MALRD1: variants seen among roughly 807,000 people sequenced by gnomAD.
MALRD1 encodes the protein MAM and LDL receptor class A domain containing 1.
Under a neutral mutation model 242.1 loss-of-function variants are expected in MALRD1, and 247 were observed. That is an observed-to-expected ratio of 1.02 (90% CI 0.92 to 1.13). The LOEUF is 1.13. Ranked by LOEUF, MALRD1 falls within the 50% of genes most tolerant of loss-of-function variation. The probability of loss-of-function intolerance (pLI) is 0.00; values close to 1 mark genes in which losing one functional copy is unlikely to be tolerated. For synonymous variants in MALRD1, 995 were observed against 866.6 expected, an observed-to-expected ratio of 1.15 and a Z score of -2.60; for missense variants, 2,989 against 2,533.1, an observed-to-expected ratio of 1.18 and a Z score of -3.86.
chr10:19,205,986 C>T (rs553775248), intron 17 of MALRD1, among the ~76,000 whole-genome samples: 131 of 150,540 alleles, frequency 8.7e-4, no homozygotes, highest in African/African-American at 3.0e-3. Flanking sequence ...TCAGATTCCT[C>T]ATCCAGAAAT....
At chr10:19,167,185 C>G (rs543272112) in intron 13 of MALRD1, among the ~76,000 whole-genome samples, 1 of 152,004 alleles carries the variant, frequency 6.6e-6, no homozygotes, top group African/African-American at 2.4e-5. Flanking sequence ...CAGTGAAACC[C>G]CACCTCTACA....
intron 36 of MALRD1, among the ~76,000 whole-genome samples, chr10:19,683,468 A>C (rs1842456945): frequency 6.6e-6 from 1 of 152,218 alleles, no homozygotes; most frequent in Non-Finnish European, 1.5e-5. Context: ...CACTTACTGC[A>C]GTTCGTAAAT....
intron 7 of MALRD1, among the ~76,000 whole-genome samples, chr10:19,124,984 C>G (rs1434126794): frequency 9.7e-6 from 1 of 102,892 alleles, no homozygotes; most frequent in Non-Finnish European, 1.7e-5. Context: ...CTCAATCTGT[C>G]ACCCAGGCTG....
intron 29 of MALRD1, among the ~76,000 whole-genome samples, chr10:19,483,800 C>G (rs191738847): frequency 1.2e-3 from 185 of 152,090 alleles, no homozygotes; most frequent in Non-Finnish European, 2.2e-3. Context: ...AGAAATATTT[C>G]TACTAAAAAA....
At chr10:19,668,043 A>G (rs1841753418) in intron 36 of MALRD1, among the ~76,000 whole-genome samples, 1 of 152,062 alleles carries the variant, frequency 6.6e-6, no homozygotes, top group South Asian at 2.1e-4. Flanking sequence ...TAATCCCATT[A>G]ATGAGGGCTC....
chr10:19,383,226 C>G (rs747941905), intron 26 of MALRD1, among the ~76,000 whole-genome samples: 1 of 152,050 alleles, frequency 6.6e-6, no homozygotes, highest in African/African-American at 2.4e-5. Context: ...CAAGTAAGCC[C>G]TGGTGTCTGT....
At chr10:19,142,171 CA>C (rs529000033) in intron 10 of MALRD1, among the ~76,000 whole-genome samples, 1,131 of 26,196 alleles carry the variant, frequency 0.043, 11 homozygotes, top group East Asian at 0.29. Context: ...GACTCTAACT[CA>C]AAAAAAAAAA....
intron 30 of MALRD1, among the ~76,000 whole-genome samples, chr10:19,496,941 AAAGAG>A (rs1223201247): frequency 4.6e-5 from 7 of 152,170 alleles, no homozygotes; most frequent in Admixed American, 4.6e-4. Context: ...TAGCCTTAAG[AAAGAG>A]AAAAGTGGCA....
intron 24 of MALRD1, among the ~76,000 whole-genome samples, chr10:19,340,584 C>G (rs1291448309): frequency 6.6e-6 from 1 of 152,032 alleles, no homozygotes. Flanking sequence ...AGTCACAAAT[C>G]CATTTCCAAA....
At position 19,312,446 on chromosome 10, in the gene MALRD1, GTGTATA is replaced by G. The variant is rs557157581; in HGVS notation, c.3420-11490_3420-11485del. Among the ~76,000 whole-genome samples, 394 of 149,892 alleles carry G rather than the reference GTGTATA, an allele frequency of 2.6e-3. 3 individuals are homozygous for G. The highest frequency in any genetic ancestry group is 4.5e-3 in the Non-Finnish European group (301 of 67,184). On this transcript the variant is annotated intron_variant, in intron 21 of 39. Coordinates refer to ENST00000454679, the MANE Select transcript of MALRD1 (RefSeq NM_001142308.3). The stretch of plus-strand genomic sequence containing the variant: ...TGTGTGTGAGAGAGAGAGAGAGTTT[GTGTATA>G]TGTATATGTATAATGGCACAGAGGT...
rs142988674 is a variant in MALRD1, at chr10:19,239,856, A to G, written c.2992-17828A>G. ...GCTGTATATTCTGTTCCATTGGTCT[A>G]TGTGTTTGCTTTATGGCAGTGCCAT... On this transcript the variant is annotated intron_variant, in intron 18 of 39. Transcript: ENST00000454679. Among the ~76,000 whole-genome samples the G allele has an allele frequency of 2.4e-3, 361 of 152,116 alleles. 3 individuals are homozygous for G. In the East Asian group the frequency reaches 0.03, roughly 13 times the overall value.
At chr10:19,447,389 T>G (rs1396098721) in intron 28 of MALRD1, among the ~76,000 whole-genome samples, 1 of 152,214 alleles carries the variant, frequency 6.6e-6, no homozygotes, top group Admixed American at 6.5e-5. Flanking sequence ...TAGAATGATG[T>G]CTTATAGTAC....
chr10:19,323,996 A>T lies in MALRD1; in HGVS notation c.3467A>T (p.Lys1156Ile), dbSNP rs913079321. The change falls in exon 22 of 40, where the codon AAA (lysine) becomes ATA (isoleucine). Residue 1156 changes from lysine (K) to isoleucine (I), a missense_variant. By Grantham distance (102) the Lys-to-Ile change is moderately radical (BLOSUM62 -3). Transcript: ENST00000454679. Reference sequence around the variant, plus strand: ...CTGTATGCTGACAGTTCTAATGGGAAATTTGGTGACACGGCTGACATTCTC... The same window carrying T: ...CTGTATGCTGACAGTTCTAATGGGATATTTGGTGACACGGCTGACATTCTC... Reference protein sequence around the residue: ...WYLYADSSNGKFGDTADILTP... With the variant: ...WYLYADSSNGIFGDTADILTP... 6.4e-7 allele frequency: 1 copy of T among 1,550,832 alleles called. No homozygotes were observed. Among genetic ancestry groups the T allele is most frequent in the East Asian group, 2.4e-5 (1 of 40,900 alleles).
At chr10:19,190,555 T>C (rs1381329467) in intron 14 of MALRD1, among the ~76,000 whole-genome samples, 1 of 151,746 alleles carries the variant, frequency 6.6e-6, no homozygotes, top group Admixed American at 6.6e-5. Context: ...ATTACAAAAC[T>C]ACAGTAAACA....
intron 18 of MALRD1, among the ~76,000 whole-genome samples, chr10:19,218,900 A>G (rs113185547): frequency 0.017 from 2,538 of 152,246 alleles, 74 homozygotes; most frequent in African/African-American, 0.057. Context: ...TTCATTATAT[A>G]GCAGCTTGAA....
chr10:19,443,051 G>C (rs1431437906), intron 28 of MALRD1, among the ~76,000 whole-genome samples: 1 of 152,212 alleles, frequency 6.6e-6, no homozygotes, highest in Non-Finnish European at 1.5e-5. Context: ...GTCTGGGAGA[G>C]TGTATGTGTC....
chr10:19,460,421 G>A (rs115991602), intron 29 of MALRD1, among the ~76,000 whole-genome samples: 243 of 148,564 alleles, frequency 1.6e-3, no homozygotes, highest in African/African-American at 5.8e-3. Flanking sequence ...TTAATGGAAC[G>A]CACACACAAA....
At chr10:19,292,162 C>G (rs1414506872) in intron 21 of MALRD1, among the ~76,000 whole-genome samples, 2 of 150,878 alleles carry the variant, frequency 1.3e-5, no homozygotes, top group African/African-American at 2.4e-5. Context: ...AGGGAAAACT[C>G]TACCCTGAGT....
chr10:19,358,001 C>T (rs1844710494), intron 26 of MALRD1, among the ~76,000 whole-genome samples: 1 of 151,800 alleles, frequency 6.6e-6, no homozygotes, highest in African/African-American at 2.4e-5. Flanking sequence ...CATTTAAGAG[C>T]TTATCTGGAT....
Sources: gnomAD v4.1 joint callset for allele counts (sites outside exome capture counted in the v4.1 genomes callset) on GRCh38, gnomAD v4.1.1 for gene constraint, MANE v1.5 for transcripts, NCBI Gene and HGNC (gene_info 2026-07-23, HGNC 2026-07-21) for gene names.